The following NMT1 variants were observed in gnomAD, a reference collection of about 807,000 sequenced individuals.
NMT1 encodes glycylpeptide N-tetradecanoyltransferase 1.
A neutral mutation model predicts 63.4 loss-of-function variants in NMT1; 12 were observed. That is an observed-to-expected ratio of 0.19 (90% CI 0.12 to 0.31). The LOEUF (loss-of-function observed/expected upper bound fraction) is 0.31, where lower values mean the gene tolerates loss of function less well. NMT1 is among the 10% of genes least tolerant of loss of function. The probability of loss-of-function intolerance (pLI) is 1.00; values close to 1 mark genes in which losing one functional copy is unlikely to be tolerated. For synonymous variants in NMT1, 228 were observed against 234.3 expected (o/e 0.97, Z 0.25); for missense variants, 432 against 634.6 (o/e 0.68, Z 3.43).
rs1312227275 is a variant in NMT1 at position 45,103,903 on chromosome 17, G to A, written c.1332+27G>A. The A allele has an allele frequency of 3.1e-6, 5 of 1,611,696 alleles. No individual in the cohort carries two copies. In the African/African-American group the frequency reaches 6.7e-5, roughly 21 times the overall value. On this transcript the variant is annotated intron_variant, in intron 10 of 11. Coordinates refer to ENST00000258960, the MANE Select transcript of NMT1 (RefSeq NM_021079.5). The surrounding 1 kb of genome is among the most constrained non-coding windows in gnomAD (Gnocchi z 4.8). ...TGAGGAGCAGACGGGGGGGTCTCTG[G>A]AGATGTGCAGGGAAGAGGCAGTGGA...
In NMT1 at chr17:45,108,390, G is replaced by T; in HGVS notation, c.*2751G>T. 1 of 152,446 alleles carries T rather than the reference G, an allele frequency of 6.6e-6. No individual in the cohort carries two copies. The highest frequency in any genetic ancestry group is 1.5e-5 in the Non-Finnish European group (1 of 68,056). The allele number at this position is 152,446 out of a possible 1,614,324, so 9.4% of individuals were successfully genotyped here. A position where few individuals can be genotyped will look rare whatever the true frequency, so the allele number is the denominator to read the frequency against. ...AGGCTTCTGTCTTATTTGAAGGCCA[G>T]CCCACACCCAGCTACTTTAACACCA... On this transcript the variant is annotated 3_prime_UTR_variant, in exon 12 of 12. Coordinates refer to ENST00000258960, the MANE Select transcript of NMT1 (RefSeq NM_021079.5).
At position 45,105,514 on chromosome 17, in the gene NMT1, CGGT is replaced by C; in HGVS notation, c.1471-102_1471-100del. 1 of 1,249,684 alleles carries C rather than the reference CGGT, an allele frequency of 8.0e-7. No individual in the cohort carries two copies. The highest frequency in any genetic ancestry group is 1.2e-6 in the Non-Finnish European group (1 of 854,884). The allele number at this position is 1,249,684 out of a possible 1,614,324, so 77.4% of individuals were successfully genotyped here. ...TGTGAGTCTGCTCCCACAGCACAGG[CGGT>C]GGACCCGGGCCCAGCCACTCGGAAC... On this transcript the variant is annotated intron_variant, in intron 11 of 11. Coordinates refer to ENST00000258960, the MANE Select transcript of NMT1 (RefSeq NM_021079.5). The surrounding 1 kb of genome is among the most constrained non-coding windows in gnomAD (Gnocchi z 4.2).
chr17:45,078,967 A>G (rs1429828713), intron 1 of NMT1, among the ~76,000 whole-genome samples: 1 of 151,856 alleles, frequency 6.6e-6, no homozygotes, highest in Non-Finnish European at 1.5e-5. Context: ...TGGACCTTTC[A>G]ATTATTTGAA....
intron 1 of NMT1, among the ~76,000 whole-genome samples, chr17:45,064,461 G>T (rs574311149): frequency 6.6e-6 from 1 of 152,300 alleles, no homozygotes; most frequent in South Asian, 2.1e-4. Context: ...AATGGTTTTG[G>T]GGAGAAGCAG....
intron 3 of NMT1, among the ~76,000 whole-genome samples, chr17:45,092,699 G>A (rs2054096552): frequency 1.7e-5 from 2 of 117,476 alleles, no homozygotes. Flanking sequence ...GACAGAATGA[G>A]ACTGTCTCAA....
rs538831736 is a variant in NMT1, at chr17:45,090,454, C to T, written c.386-3231C>T. Among the ~76,000 whole-genome samples, 4 of 152,170 alleles carry T rather than the reference C, an allele frequency of 2.6e-5. No homozygotes were observed. In the East Asian group the frequency reaches 7.7e-4, roughly 29 times the overall value. Reference sequence around the variant, plus strand: ...CACTCATGTCAACGGAAGCAGTATCCTTTTCTGTCTTTGGTCAGTGGAATG... The same window carrying T: ...CACTCATGTCAACGGAAGCAGTATCTTTTTCTGTCTTTGGTCAGTGGAATG... On this transcript the variant is annotated intron_variant, in intron 3 of 11. Coordinates refer to ENST00000258960, the MANE Select transcript of NMT1 (RefSeq NM_021079.5).
At chr17:45,099,588 G>C in intron 8 of NMT1, 75 bp downstream of exon 8, 1 of 1,043,194 alleles carries the variant, frequency 9.6e-7, no homozygotes, top group Non-Finnish European at 1.5e-6. Context: ...AGGAGAGAAG[G>C]GCTCTGGGTG....
Position 45,103,629 on chromosome 17 carries a change from G to C in NMT1, c.1165-80G>C, listed in dbSNP as rs2054182498. ...AGAGGGGCAGAGCTGCCTGAAGGTGGAGTGAGAGAAACATTTTGTTCCCGG... is the reference window on the plus strand; with the variant it reads ...AGAGGGGCAGAGCTGCCTGAAGGTGCAGTGAGAGAAACATTTTGTTCCCGG... On this transcript the variant is annotated intron_variant, in intron 9 of 11. Coordinates refer to ENST00000258960, the MANE Select transcript of NMT1 (RefSeq NM_021079.5). The surrounding 1 kb of genome is among the most constrained non-coding windows in gnomAD (Gnocchi z 4.8). The C allele has an allele frequency of 1.4e-6, 2 of 1,394,736 alleles. No individual in the cohort carries two copies. Among genetic ancestry groups the C allele is most frequent in the Non-Finnish European group, 2.0e-6 (2 of 1,012,738 alleles). 86.4% of individuals were successfully genotyped at this position (1,394,736 alleles called of 1,614,324 possible).
At position 45,080,669 on chromosome 17, in the gene NMT1, A is replaced by G. The variant is rs2054011946; in HGVS notation, c.132-975A>G. Among the ~76,000 whole-genome samples, 3 of 149,384 alleles carry G rather than the reference A, an allele frequency of 2.0e-5. No individual in the cohort carries two copies. The Admixed American group carries it at 2.0e-4, about 10-fold the overall frequency. On this transcript the variant is annotated intron_variant, in intron 1 of 11. Transcript: ENST00000258960. Reference sequence around the variant, plus strand: ...TATTTTTAGTAGAGATGGGGTTTCAACATGTTAGCCAGGATGGTCTTGATC... The same window carrying G: ...TATTTTTAGTAGAGATGGGGTTTCAGCATGTTAGCCAGGATGGTCTTGATC...
chr17:45,083,347 TA>T (rs2054029388), intron 2 of NMT1, among the ~76,000 whole-genome samples: 4 of 151,506 alleles, frequency 2.6e-5, no homozygotes, highest in East Asian at 3.9e-4. Flanking sequence ...AAAAAAAATT[TA>T]AAAAAAGGAA....
chr17:45,106,797 C>G lies in NMT1; in HGVS notation c.*1158C>G, dbSNP rs2054205293. 1 of 152,678 alleles carries G rather than the reference C, an allele frequency of 6.5e-6. No individual in the cohort carries two copies. The highest frequency in any genetic ancestry group is 1.5e-5 in the Non-Finnish European group (1 of 68,056). The allele number at this position is 152,678 out of a possible 1,614,324, so 9.5% of individuals were successfully genotyped here. A position where few individuals can be genotyped will look rare whatever the true frequency, so the allele number is the denominator to read the frequency against. The stretch of plus-strand genomic sequence containing the variant: ...TGATTAGAGGCAGATCTGGACTTGG[C>G]AACAGAAGTGGTTTCCCATCTCCAT... On this transcript the variant is annotated 3_prime_UTR_variant, in exon 12 of 12. Transcript: ENST00000258960.
In NMT1 at chr17:45,100,110, A is replaced by G. The variant is rs546303608; in HGVS notation, c.993+597A>G. On this transcript the variant is annotated intron_variant, in intron 8 of 11. Coordinates refer to ENST00000258960, the MANE Select transcript of NMT1 (RefSeq NM_021079.5). ...GGGATTCTTTTTTTTTTGTTTTGAGACAGGGTCTCATTCTGTTGCCCAGGC... is the reference window on the plus strand; with the variant it reads ...GGGATTCTTTTTTTTTTGTTTTGAGGCAGGGTCTCATTCTGTTGCCCAGGC... Among the ~76,000 whole-genome samples the G allele has an allele frequency of 7.2e-5, 11 of 151,830 alleles. No homozygotes were observed. The East Asian group carries it at 1.6e-3, about 21-fold the overall frequency.
chr17:45,080,555 A>G (rs1364196136), intron 1 of NMT1, among the ~76,000 whole-genome samples: 3 of 121,370 alleles, frequency 2.5e-5, no homozygotes, highest in Non-Finnish European at 3.3e-5. Flanking sequence ...TGCAAGCTCT[A>G]CCTCCCAGGT....
chr17:45,088,342 T>C (rs1022252874), intron 3 of NMT1, among the ~76,000 whole-genome samples: 1 of 152,252 alleles, frequency 6.6e-6, no homozygotes, highest in Non-Finnish European at 1.5e-5. Flanking sequence ...GTGGCTGCCA[T>C]GTATCTTGGC....
intron 4 of NMT1, among the ~76,000 whole-genome samples, chr17:45,094,999 G>T (rs147090366): frequency 0.033 from 5,018 of 151,032 alleles, 283 homozygotes; most frequent in African/African-American, 0.12. Flanking sequence ...TTTTAGTAGA[G>T]ATGGGGTTTC....
chr17:45,089,201 A>AT (rs746098819), intron 3 of NMT1, among the ~76,000 whole-genome samples: 99 of 151,484 alleles, frequency 6.5e-4, no homozygotes, highest in Non-Finnish European at 8.3e-4. Context: ...TCTTGCCCTA[A>AT]TTTTTTTTTC....
At chr17:45,063,442 T>C (rs2053881112) in intron 1 of NMT1, among the ~76,000 whole-genome samples, 1 of 152,042 alleles carries the variant, frequency 6.6e-6, no homozygotes, top group Non-Finnish European at 1.5e-5. Context: ...CAGATGAGAG[T>C]TGGTGAATGT....
chr17:45,071,783 T>C (rs1334731684), intron 1 of NMT1, among the ~76,000 whole-genome samples: 2 of 152,146 alleles, frequency 1.3e-5, no homozygotes, highest in Non-Finnish European at 2.9e-5. Context: ...ACAGTGGCTA[T>C]TCACAAGCGT....
intron 1 of NMT1, among the ~76,000 whole-genome samples, chr17:45,067,507 G>C (rs1158612573): frequency 6.6e-6 from 1 of 151,492 alleles, no homozygotes; most frequent in Non-Finnish European, 1.5e-5. Context: ...TGAAAACTTA[G>C]GAGGAGAGAA....
Sources: gnomAD v4.1 joint callset for allele counts (sites outside exome capture counted in the v4.1 genomes callset) on GRCh38, gnomAD v4.1.1 for gene constraint, Gnocchi (gnomAD v3.1) non-coding constraint, MANE v1.5 for transcripts, NCBI Gene and HGNC (gene_info 2026-07-23, HGNC 2026-07-21) for gene names.